The following CCDC60 variants were observed in gnomAD, a reference collection of about 807,000 sequenced individuals.
CCDC60 encodes coiled-coil domain containing 60.
Under a neutral mutation model 63.5 loss-of-function variants are expected in CCDC60, and 54 were observed. The observed-to-expected ratio is 0.85, with a 90% CI of 0.68 to 1.07. The LOEUF is 1.07. CCDC60 is among the 50% of genes least tolerant of loss of function. The probability of loss-of-function intolerance (pLI) is 0.00; values close to 1 mark genes in which losing one functional copy is unlikely to be tolerated. For synonymous variants in CCDC60, 206 were observed against 238.8 expected (o/e 0.86, Z 1.27); for missense variants, 651 against 684.3 (o/e 0.95, Z 0.54).
chr12:119,424,443 A>G (rs1204924478), intron 1 of CCDC60, among the ~76,000 whole-genome samples: 1 of 152,158 alleles, frequency 6.6e-6, no homozygotes, highest in African/African-American at 2.4e-5. Context: ...ACATTTAGGT[A>G]TTTTTCACTA....
intron 9 of CCDC60, among the ~76,000 whole-genome samples, chr12:119,522,326 G>T (rs1952552274): frequency 6.6e-6 from 1 of 152,184 alleles, no homozygotes; most frequent in African/African-American, 2.4e-5. Context: ...AGCTTGCCCA[G>T]GCAGAGTCAC....
chr12:119,392,683 A>G (rs1956180909), intron 1 of CCDC60, among the ~76,000 whole-genome samples: 1 of 152,240 alleles, frequency 6.6e-6, no homozygotes, highest in Non-Finnish European at 1.5e-5. Flanking sequence ...GAATCAATCA[A>G]TCAGGGAATG....
intron 1 of CCDC60, among the ~76,000 whole-genome samples, chr12:119,384,955 G>T (rs980742057): frequency 6.6e-6 from 1 of 152,250 alleles, no homozygotes. Flanking sequence ...CTGATATCCA[G>T]CCCTTGCTTC....
intron 1 of CCDC60, among the ~76,000 whole-genome samples, chr12:119,422,525 G>A (rs1435464137): frequency 6.6e-6 from 1 of 152,172 alleles, no homozygotes; most frequent in Non-Finnish European, 1.5e-5. Flanking sequence ...CGTCTTACAT[G>A]GCAGGAGCAG....
chr12:119,469,248 T>C (rs978294574), intron 2 of CCDC60, among the ~76,000 whole-genome samples: 3 of 152,144 alleles, frequency 2.0e-5, no homozygotes, highest in African/African-American at 7.2e-5. Context: ...ACTTTCTTGC[T>C]TTTCAAAAAA....
At chr12:119,534,902 G>T (rs1029774216) in intron 13 of CCDC60, among the ~76,000 whole-genome samples, 3 of 152,148 alleles carry the variant, frequency 2.0e-5, no homozygotes, top group Non-Finnish European at 4.4e-5. Context: ...TCTCTGTCAG[G>T]CTTTGGTATC....
chr12:119,472,446 C>T (rs1370338201), intron 3 of CCDC60, among the ~76,000 whole-genome samples: 1 of 152,174 alleles, frequency 6.6e-6, no homozygotes, highest in East Asian at 1.9e-4. Context: ...CCCATTTGCA[C>T]TCCAGGTCCC....
At chr12:119,412,940 T>C (rs1331986993) in intron 1 of CCDC60, among the ~76,000 whole-genome samples, 7 of 152,104 alleles carry the variant, frequency 4.6e-5, no homozygotes, top group East Asian at 1.9e-4. Flanking sequence ...AGCGCTCAGA[T>C]TGGAGCCCAT....
At position 119,410,022 on chromosome 12, in the gene CCDC60, A is replaced by G. The variant is rs73406221; in HGVS notation, c.91-18661A>G. ...CTTGTTCCCAGATTCAGCTCCAAAG[A>G]CTCAAGAGTTTGGCATCAACCTGCT... On this transcript the variant is annotated intron_variant, in intron 1 of 13. Coordinates refer to ENST00000327554, the MANE Select transcript of CCDC60 (RefSeq NM_178499.5). This position sits in a 1 kb window ranked among gnomAD's most constrained non-coding sequence, Gnocchi z 4.0. 9.9e-3 allele frequency among the ~76,000 whole-genome samples: 1,501 copies of G among 152,078 alleles called. 23 individuals are homozygous for G. Among genetic ancestry groups the G allele is most frequent in the African/African-American group, 0.034 (1,406 of 41,484 alleles).
chr12:119,529,450 T>C (rs577468261), intron 12 of CCDC60, among the ~76,000 whole-genome samples: 1 of 152,244 alleles, frequency 6.6e-6, no homozygotes, highest in South Asian at 2.1e-4. Context: ...TCATTTGCAA[T>C]ACAGAATTGG....
At chr12:119,390,980 G>A (rs10774496) in intron 1 of CCDC60, among the ~76,000 whole-genome samples, 32,029 of 152,254 alleles carry the variant, frequency 0.21, 3,612 homozygotes, top group South Asian at 0.45. Context: ...TCAGACCTCA[G>A]TACACATTCA....
At chr12:119,523,151 A>G in intron 10 of CCDC60, 150 bp downstream of exon 10, 2 of 741,562 alleles carry the variant, frequency 2.7e-6, no homozygotes, top group South Asian at 3.3e-5. Context: ...CCCCAGGTTT[A>G]GGGACTCATA....
chr12:119,395,225 G>A (rs1593021041), intron 1 of CCDC60, among the ~76,000 whole-genome samples: 1 of 152,226 alleles, frequency 6.6e-6, no homozygotes, highest in African/African-American at 2.4e-5. Context: ...GTGATCCATG[G>A]AAGCCACTGA....
intron 1 of CCDC60, among the ~76,000 whole-genome samples, chr12:119,408,686 C>T (rs113275117): frequency 0.056 from 8,563 of 152,068 alleles, 406 homozygotes; most frequent in East Asian, 0.2. Flanking sequence ...ATTAGCCAGG[C>T]GTGGTGGCGG....
intron 1 of CCDC60, among the ~76,000 whole-genome samples, chr12:119,400,790 T>C (rs1213402345): frequency 6.6e-6 from 1 of 152,218 alleles, no homozygotes; most frequent in Non-Finnish European, 1.5e-5. Context: ...TGGCCAGTCA[T>C]AGCTATCTTA....
chr12:119,411,916 GCA>G (rs1956609722), intron 1 of CCDC60, among the ~76,000 whole-genome samples: 1 of 152,012 alleles, frequency 6.6e-6, no homozygotes, highest in Admixed American at 6.5e-5. Flanking sequence ...TTTGATGCCT[GCA>G]CTTTCCTACA....
chr12:119,416,248 G>T (rs1956697028), intron 1 of CCDC60, among the ~76,000 whole-genome samples: 1 of 152,058 alleles, frequency 6.6e-6, no homozygotes, highest in African/African-American at 2.4e-5. Context: ...GCGAGGTGTT[G>T]CATGCCTGTA....
intron 10 of CCDC60, among the ~76,000 whole-genome samples, chr12:119,523,281 A>T (rs1232017961): frequency 2.0e-5 from 3 of 152,222 alleles, no homozygotes; most frequent in Non-Finnish European, 4.4e-5. Flanking sequence ...CCTATGAGGC[A>T]GGAGGACTAA....
At chr12:119,354,020 C>T (rs1955690277) in intron 1 of CCDC60, among the ~76,000 whole-genome samples, 1 of 151,890 alleles carries the variant, frequency 6.6e-6, no homozygotes, top group African/African-American at 2.4e-5. Flanking sequence ...CTCTCTCTCA[C>T]CCTCTTTCTA....
Sources: gnomAD v4.1 joint callset for allele counts (sites outside exome capture counted in the v4.1 genomes callset) on GRCh38, gnomAD v4.1.1 for gene constraint, Gnocchi (gnomAD v3.1) non-coding constraint, MANE v1.5 for transcripts, NCBI Gene and HGNC (gene_info 2026-07-23, HGNC 2026-07-21) for gene names.